CDC42BPA: variants seen among roughly 807,000 people sequenced by gnomAD.
CDC42BPA encodes CDC42 binding protein kinase alpha.
Under a neutral mutation model 223.5 loss-of-function variants are expected in CDC42BPA, and 80 were observed. The observed-to-expected ratio is 0.36, with a 90% CI of 0.30 to 0.43. The LOEUF (loss-of-function observed/expected upper bound fraction) is 0.43, where lower values mean the gene tolerates loss of function less well. CDC42BPA is among the 20% of genes least tolerant of loss of function. CDC42BPA has a pLI of 1.00. For missense variants in CDC42BPA, 1,743 were observed against 2,099.9 expected (o/e 0.83, Z 3.32); for synonymous variants, 694 against 718.6 (o/e 0.97, Z 0.55).
intron 11 of CDC42BPA, among the ~76,000 whole-genome samples, chr1:227,122,146 T>A (rs1688771772): frequency 1.3e-5 from 2 of 152,220 alleles, no homozygotes; most frequent in African/African-American, 2.4e-5. Context: ...ACTTTTGTTA[T>A]TTCTCATAAT....
chr1:227,138,825 A>T (rs1443216571), intron 10 of CDC42BPA, among the ~76,000 whole-genome samples: 2 of 152,094 alleles, frequency 1.3e-5, no homozygotes, highest in African/African-American at 4.8e-5. Flanking sequence ...AAAGAGAAAG[A>T]GGAACAATAG....
At chr1:227,068,791 G>GAA in intron 21 of CDC42BPA, 1 of 338,704 alleles carries the variant, frequency 3.0e-6, no homozygotes, top group South Asian at 4.0e-5. Context: ...TAAAACAATT[G>GAA]AAAGGCAAAT....
intron 10 of CDC42BPA, 70 bp downstream of exon 10, chr1:227,139,506 C>T: frequency 1.9e-6 from 2 of 1,039,230 alleles, no homozygotes; most frequent in African/African-American, 3.3e-5. Flanking sequence ...AAAACAACCA[C>T]TTATAATAAA....
At chr1:227,113,291 C>T (rs1292843930) in intron 12 of CDC42BPA, among the ~76,000 whole-genome samples, 1 of 152,190 alleles carries the variant, frequency 6.6e-6, no homozygotes, top group Non-Finnish European at 1.5e-5. Flanking sequence ...CGCCTCAAGC[C>T]AGAAGCAAGG....
intron 1 of CDC42BPA, among the ~76,000 whole-genome samples, chr1:227,276,117 G>C (rs953621464): frequency 1.3e-5 from 2 of 151,916 alleles, no homozygotes; most frequent in Non-Finnish European, 2.9e-5. Flanking sequence ...GGGAAGTGAG[G>C]AGCGCCTCTT....
intron 5 of CDC42BPA, among the ~76,000 whole-genome samples, chr1:227,162,261 A>G (rs1664048334): frequency 6.6e-6 from 1 of 151,958 alleles, no homozygotes; most frequent in Non-Finnish European, 1.5e-5. Flanking sequence ...ATAATACTAT[A>G]TAAATAAAAT....
chr1:227,102,256 C>T (rs1685170088), intron 14 of CDC42BPA, among the ~76,000 whole-genome samples: 1 of 152,078 alleles, frequency 6.6e-6, no homozygotes, highest in African/African-American at 2.4e-5. Context: ...GTGATGTGGG[C>T]CAGAGAAATA....
Position 227,033,325 on chromosome 1 carries a change from C to T in CDC42BPA, c.3558+9G>A, listed in dbSNP as rs777339832. 8.3e-6 allele frequency: 13 copies of T among 1,572,320 alleles called. No homozygotes were observed. The highest frequency in any genetic ancestry group is 1.1e-5 in the Non-Finnish European group (13 of 1,142,096). On this transcript the variant is annotated intron_variant, in intron 27 of 36. Coordinates refer to ENST00000366766, the MANE Select transcript of CDC42BPA (RefSeq NM_001394014.1). ...AATTCAGTGATCAAATTACAGCATACACACTTACCCTAAATATACAGGGTA... is the reference window on the plus strand; with the variant it reads ...AATTCAGTGATCAAATTACAGCATATACACTTACCCTAAATATACAGGGTA...
rs551049408 is a variant in CDC42BPA, at chr1:227,130,289, T to C, written c.1391-1058A>G. Among the ~76,000 whole-genome samples the C allele has an allele frequency of 5.3e-5, 8 of 151,792 alleles. No individual in the cohort carries two copies. The East Asian group carries it at 1.6e-3, about 29-fold the overall frequency. On this transcript the variant is annotated intron_variant, in intron 10 of 36. Coordinates refer to ENST00000366766, the MANE Select transcript of CDC42BPA (RefSeq NM_001394014.1). Reference sequence around the variant, plus strand: ...ATTACTTTGTGTGTGCATATGTACGTGTGTGTGTGTGTAAACCATAATCCC... The same window carrying C: ...ATTACTTTGTGTGTGCATATGTACGCGTGTGTGTGTGTAAACCATAATCCC...
chr1:227,244,007 A>G (rs1193869017), intron 2 of CDC42BPA, among the ~76,000 whole-genome samples: 1 of 152,042 alleles, frequency 6.6e-6, no homozygotes, highest in Non-Finnish European at 1.5e-5. Flanking sequence ...TCACCAAAAA[A>G]AAACTAAAGT....
intron 6 of CDC42BPA, among the ~76,000 whole-genome samples, chr1:227,152,450 T>C (rs1661965081): frequency 6.6e-6 from 1 of 152,176 alleles, no homozygotes; most frequent in South Asian, 2.1e-4. Context: ...TCTAAGTTTC[T>C]TGTTTTGATA....
At chr1:227,133,147 C>T (rs1158050363) in intron 10 of CDC42BPA, among the ~76,000 whole-genome samples, 8 of 151,414 alleles carry the variant, frequency 5.3e-5, no homozygotes, top group East Asian at 2.0e-4. Context: ...CACCTCTGCC[C>T]GGCCACCCCT....
In CDC42BPA at chr1:226,994,854, C is replaced by A; in HGVS notation, c.5102G>T (p.Ser1701Ile). Reference sequence around the variant, plus strand: ...GTCAAAGTCCCTCGCTGGGGCATCACTTCCTTGGTCCATGCCTCCAGAGGA... The same window carrying A: ...GTCAAAGTCCCTCGCTGGGGCATCAATTCCTTGGTCCATGCCTCCAGAGGA... ...SLSSGGMDQG[S>I]DAPARDFDGE... Residue 1701 changes from serine to isoleucine, a missense_variant, in exon 36 of 37, where the codon AGT becomes ATT. Physicochemically the swap from Ser to Ile is moderately radical, Grantham distance 142. This residue lies in a region of CDC42BPA where 200 missense variants were observed against 192.8 expected (regional missense o/e 1.04). Coordinates refer to ENST00000366766, the MANE Select transcript of CDC42BPA (RefSeq NM_001394014.1). The surrounding 1 kb of genome is among the most constrained non-coding windows in gnomAD (Gnocchi z 4.0). 1 of 1,613,656 alleles carries A rather than the reference C, an allele frequency of 6.2e-7. No homozygotes were observed. The highest frequency in any genetic ancestry group is 8.5e-7 in the Non-Finnish European group (1 of 1,179,728).
intron 12 of CDC42BPA, 23 bp from the exon 13 acceptor site, chr1:227,112,936 TAA>T: frequency 7.5e-6 from 12 of 1,607,832 alleles, no homozygotes; most frequent in East Asian, 2.2e-5. Flanking sequence ...AAAAAGAATA[TAA>T]GTTACCAATT....
chr1:227,218,635 A>G (rs1572434244), intron 2 of CDC42BPA, among the ~76,000 whole-genome samples: 1 of 152,296 alleles, frequency 6.6e-6, no homozygotes, highest in African/African-American at 2.4e-5. Context: ...CTGATAAGAG[A>G]GCTAGTATAC....
At chr1:227,171,039 C>T (rs1050966678) in intron 5 of CDC42BPA, among the ~76,000 whole-genome samples, 1 of 152,156 alleles carries the variant, frequency 6.6e-6, no homozygotes, top group Non-Finnish European at 1.5e-5. Flanking sequence ...GGCAGCCAGA[C>T]AACCAGATAC....
At chr1:227,190,306 CTACT>C (rs1669495657) in intron 5 of CDC42BPA, among the ~76,000 whole-genome samples, 1 of 152,128 alleles carries the variant, frequency 6.6e-6, no homozygotes, top group African/African-American at 2.4e-5. Flanking sequence ...CTAGGCTATG[CTACT>C]TACTAACTAA....
At position 227,317,524 on chromosome 1, in the gene CDC42BPA, A is replaced by C. The variant is rs1025359215; in HGVS notation, c.-342T>G. The C allele has an allele frequency of 1.8e-5, 7 of 398,562 alleles. No homozygotes were observed. The highest frequency in any genetic ancestry group is 2.7e-5 in the Non-Finnish European group (6 of 226,230). 24.7% of individuals were successfully genotyped at this position (398,562 alleles called of 1,614,324 possible). A position where few individuals can be genotyped will look rare whatever the true frequency, so the allele number is the denominator to read the frequency against. ...TCAACACTTCTTTAAAAAAAAAAAAAAAAACTCTTCTCCTTCATTCAAAAT... is the reference window on the plus strand; with the variant it reads ...TCAACACTTCTTTAAAAAAAAAAAACAAAACTCTTCTCCTTCATTCAAAAT... On this transcript the variant is annotated 5_prime_UTR_variant, in exon 1 of 37. Transcript: ENST00000366766.
chr1:227,199,722 T>G, intron 3 of CDC42BPA, 70 bp from the exon 4 acceptor site: 2 of 752,286 alleles, frequency 2.7e-6, no homozygotes, highest in Admixed American at 2.2e-5. Flanking sequence ...AGAATTACTA[T>G]GTTTATTATA....
Sources: allele counts gnomAD v4.1 joint callset (sites outside exome capture counted in the v4.1 genomes callset), GRCh38; gene constraint gnomAD v4.1.1; regional missense constraint gnomAD v4.1.1; non-coding constraint Gnocchi (gnomAD v3.1); transcripts MANE v1.5; gene names NCBI Gene and HGNC (gene_info 2026-07-23, HGNC 2026-07-21).